Variants in TBC1D12 observed in about 807,000 individuals in gnomAD.
TBC1D12 encodes the protein TBC1 domain family, member 12.
TBC1D12 carries 56 observed loss-of-function variants against 86.7 expected under a neutral mutation model. The ratio of observed to expected loss-of-function variants is 0.65; its 90% CI spans 0.52 to 0.81. The LOEUF (loss-of-function observed/expected upper bound fraction) is 0.81, where lower values mean the gene tolerates loss of function less well. Among genes scored for constraint, TBC1D12 ranks in the 30% least tolerant of loss-of-function variants. TBC1D12 has a pLI of 0.00. For synonymous variants in TBC1D12, 421 were observed against 411.7 expected (o/e 1.02, Z -0.27); for missense variants, 1,023 against 1,038.8 (o/e 0.98, Z 0.21).
At chr10:94,521,305 A>G (rs1329915809) in intron 9 of TBC1D12, among the ~76,000 whole-genome samples, 5 of 151,964 alleles carry the variant, frequency 3.3e-5, no homozygotes, top group African/African-American at 1.2e-4. Context: ...GCAAACATCT[A>G]TACAGCTTAG....
Position 94,533,095 on chromosome 10 carries a change from A to AG in TBC1D12, c.2328dup. 1 of 1,582,928 alleles carries AG rather than the reference A, an allele frequency of 6.3e-7. No homozygotes were observed. The highest frequency in any genetic ancestry group is 2.3e-5 in the East Asian group (1 of 44,020). Residue 776 remains the stop codon, a frameshift_variant and stop_retained_variant, in exon 13 of 13, where the codon TAG becomes TAGG. Transcript: ENST00000225235. LOFTEE classifies it high-confidence loss of function. ...AACAGTAGTCCTGCTTTGAAAAGCT[A>AG]GTCTTCAAAATTGACAGACTAACTG... ...DKNSSPALKS[*] is the part of the protein sequence containing the mutation.
chr10:94,441,808 G>T, intron 1 of TBC1D12, 88 bp from the exon 2 acceptor site: 1 of 1,365,874 alleles, frequency 7.3e-7, no homozygotes, highest in Admixed American at 2.4e-5. Context: ...TTTTGTTTTT[G>T]CCTTGGGAAC....
intron 2 of TBC1D12, among the ~76,000 whole-genome samples, chr10:94,444,618 T>C (rs572030619): frequency 5.3e-5 from 8 of 152,340 alleles, no homozygotes; most frequent in African/African-American, 1.7e-4. Context: ...TGTTCTATGA[T>C]ATTTTCTTAC....
chr10:94,530,210 C>T (rs574926390), intron 11 of TBC1D12, among the ~76,000 whole-genome samples: 1 of 152,248 alleles, frequency 6.6e-6, no homozygotes, highest in African/African-American at 2.4e-5. Flanking sequence ...AAGACAAGTC[C>T]TGTAATACTT....
intron 8 of TBC1D12, among the ~76,000 whole-genome samples, chr10:94,511,361 G>A (rs1330765340): frequency 6.6e-6 from 1 of 152,030 alleles, no homozygotes; most frequent in Admixed American, 6.6e-5. Context: ...ACCTCCTAAA[G>A]TGCTGGGATT....
chr10:94,428,432 C>T (rs370727607), intron 1 of TBC1D12, among the ~76,000 whole-genome samples: 25 of 151,506 alleles, frequency 1.7e-4, no homozygotes, highest in African/African-American at 5.6e-4. Flanking sequence ...GGACTATAGA[C>T]GCATGCCACC....
At chr10:94,508,078 GT>G (rs2056483032) in intron 7 of TBC1D12, among the ~76,000 whole-genome samples, 3 of 152,164 alleles carry the variant, frequency 2.0e-5, no homozygotes, top group Admixed American at 2.0e-4. Flanking sequence ...ATAAATTACT[GT>G]TTTCTTATTT....
chr10:94,449,480 C>A lies in TBC1D12; in HGVS notation c.1095+7461C>A, dbSNP rs560517663. Reference sequence around the variant, plus strand: ...TATAAAGACATCATAATCAGCTAAACCCTGTCTATCCCAAGCATAATGGTT... The same window carrying A: ...TATAAAGACATCATAATCAGCTAAAACCTGTCTATCCCAAGCATAATGGTT... On this transcript the variant is annotated intron_variant, in intron 2 of 12. Transcript: ENST00000225235. Among the ~76,000 whole-genome samples the A allele has an allele frequency of 1.5e-3, 223 of 152,190 alleles. 1 individual carries two copies. The highest frequency in any genetic ancestry group is 3.4e-3 in the Middle Eastern group (1 of 294).
At chr10:94,415,097 A>G (rs990196088) in intron 1 of TBC1D12, among the ~76,000 whole-genome samples, 8 of 152,344 alleles carry the variant, frequency 5.3e-5, no homozygotes, top group Non-Finnish European at 1.0e-4. Context: ...TAAATCTAGC[A>G]AATGGAATTA....
rs1038172548 is a variant in TBC1D12, at chr10:94,402,879, C to A, written c.266C>A (p.Pro89Gln). The A allele has an allele frequency of 2.0e-6, 3 of 1,506,156 alleles. No individual in the cohort carries two copies. Among genetic ancestry groups the A allele is most frequent in the Non-Finnish European group, 2.7e-6 (3 of 1,132,046 alleles). The allele number at this position is 1,506,156 out of a possible 1,614,324, so 93.3% of individuals were successfully genotyped here. Reference sequence around the variant, plus strand: ...CTGGAGCCGGGGCTCTGCTACTGTCCGCTCCCCGCTGGCCAGGCCGGCGCC... The same window carrying A: ...CTGGAGCCGGGGCTCTGCTACTGTCAGCTCCCCGCTGGCCAGGCCGGCGCC... ...EQLEPGLCYC[P>Q]LPAGQAGAPP... The change falls in exon 1 of 13, where the codon CCG becomes CAG. Residue 89 changes from proline (P) to glutamine (Q), a missense_variant. By Grantham distance (76) the Pro-to-Gln change is moderately conservative. This residue lies in a region of TBC1D12 where 628 missense variants were observed against 531.1 expected (regional missense o/e 1.18). Transcript: ENST00000225235.
intron 6 of TBC1D12, among the ~76,000 whole-genome samples, chr10:94,502,689 C>A (rs990549778): frequency 6.6e-6 from 1 of 152,118 alleles, no homozygotes; most frequent in Admixed American, 6.6e-5. Context: ...GAGACCCTGT[C>A]TCTAAATAAA....
At chr10:94,436,947 C>A (rs905764595) in intron 1 of TBC1D12, among the ~76,000 whole-genome samples, 1 of 152,070 alleles carries the variant, frequency 6.6e-6, no homozygotes, top group African/African-American at 2.4e-5. Context: ...ACCTCGTGAT[C>A]TACCTGCCTT....
chr10:94,412,370 G>T (rs1434154452), intron 1 of TBC1D12, among the ~76,000 whole-genome samples: 1 of 152,202 alleles, frequency 6.6e-6, no homozygotes, highest in South Asian at 2.1e-4. Context: ...TTTGTGTCCT[G>T]TCTGGGGAAA....
At chr10:94,503,707 C>T (rs1270691613) in intron 6 of TBC1D12, among the ~76,000 whole-genome samples, 2 of 152,112 alleles carry the variant, frequency 1.3e-5, no homozygotes, top group Non-Finnish European at 2.9e-5. Context: ...TCACTGCAGC[C>T]CCTGCCTCCT....
At chr10:94,432,224 C>T (rs947993088) in intron 1 of TBC1D12, among the ~76,000 whole-genome samples, 2 of 152,062 alleles carry the variant, frequency 1.3e-5, no homozygotes, top group East Asian at 3.9e-4. Flanking sequence ...ATTGAGACAT[C>T]AGCTTTTCAG....
chr10:94,516,109 GA>G (rs1192989827), intron 9 of TBC1D12, among the ~76,000 whole-genome samples: 1 of 152,216 alleles, frequency 6.6e-6, no homozygotes, highest in Non-Finnish European at 1.5e-5. Flanking sequence ...CAAAACTGGG[GA>G]AAGTGGAGGA....
intron 1 of TBC1D12, among the ~76,000 whole-genome samples, chr10:94,405,850 C>T (rs1358245962): frequency 1.3e-5 from 2 of 150,840 alleles, no homozygotes; most frequent in East Asian, 3.9e-4. Context: ...CCCTCTTTTG[C>T]CCAGGCTGGA....
chr10:94,514,837 C>A (rs1453199670), intron 9 of TBC1D12, among the ~76,000 whole-genome samples: 1 of 150,768 alleles, frequency 6.6e-6, no homozygotes, highest in East Asian at 1.9e-4. Flanking sequence ...TTTTGAAGAA[C>A]TTCCATACAG....
chr10:94,441,473 T>C (rs1430114243), intron 1 of TBC1D12, among the ~76,000 whole-genome samples: 1 of 152,206 alleles, frequency 6.6e-6, no homozygotes, highest in Non-Finnish European at 1.5e-5. Context: ...GTAGCTGATT[T>C]AGACAAATGT....
Sources: allele counts gnomAD v4.1 joint callset (sites outside exome capture counted in the v4.1 genomes callset), GRCh38; gene constraint gnomAD v4.1.1; regional missense constraint gnomAD v4.1.1; transcripts MANE v1.5; gene names NCBI Gene and HGNC (gene_info 2026-07-23, HGNC 2026-07-21).